PANK1: variants seen among roughly 807,000 people sequenced by gnomAD.
PANK1 encodes pantothenate kinase 1, also known as pantothenic acid kinase 1.
Under a neutral mutation model 40.1 loss-of-function variants are expected in PANK1, and 18 were observed. The observed-to-expected ratio is 0.45, with a 90% CI of 0.31 to 0.67. The LOEUF is 0.67. PANK1 is among the 30% of genes least tolerant of loss of function. The probability of loss-of-function intolerance (pLI) is 0.06; values close to 1 mark genes in which losing one functional copy is unlikely to be tolerated. For missense variants in PANK1, 457 were observed against 599.6 expected (o/e 0.76, Z 2.48); for synonymous variants, 242 against 237.7 (o/e 1.02, Z -0.17).
Position 89,599,336 on chromosome 10 carries a change from G to C in PANK1, c.815C>G (p.Pro272Arg). Residue 272 changes from proline to arginine, a missense_variant, in exon 3 of 7, where the codon CCT (proline) becomes CGT (arginine). Transcript: ENST00000307534. ...TGAGCCCATGTTAACCAGCAACATA[G>C]GGTATGGGTTATCAAGGCAGTACGG... is the stretch of plus-strand genomic sequence containing the variant. ...KKPYCLDNPY[P>R]MLLVNMGSGV... 6.2e-7 allele frequency: 1 copy of C among 1,613,168 alleles called. No individual in the cohort carries two copies. Among genetic ancestry groups the C allele is most frequent in the Non-Finnish European group, 8.5e-7 (1 of 1,179,092 alleles).
intron 1 of PANK1, among the ~76,000 whole-genome samples, chr10:89,629,315 G>C (rs951266588): frequency 7.9e-5 from 12 of 152,132 alleles, no homozygotes; most frequent in Admixed American, 2.6e-4. Flanking sequence ...GAAGTGACAG[G>C]CATTGTAGTT....
At chr10:89,608,835 C>T (rs569483482) in intron 2 of PANK1, among the ~76,000 whole-genome samples, 28 of 152,294 alleles carry the variant, frequency 1.8e-4, no homozygotes, top group African/African-American at 3.4e-4. Flanking sequence ...TTAGCATCTT[C>T]GATTTTCTAT....
intron 2 of PANK1, 55 bp from the exon 3 acceptor site, chr10:89,599,560 G>C: frequency 6.5e-7 from 1 of 1,548,784 alleles, no homozygotes; most frequent in South Asian, 1.2e-5. Flanking sequence ...ACCATCTAAG[G>C]GGAAGCCCCA....
chr10:89,582,659 C>A (rs1818475829), downstream of PANK1: 1 of 152,094 alleles, frequency 6.6e-6, no homozygotes, highest in South Asian at 2.1e-4. Context: ...CTTTAGCTGT[C>A]TGAATTTTTT....
intron 6 of PANK1, among the ~76,000 whole-genome samples, chr10:89,585,368 C>A (rs184484257): frequency 6.6e-6 from 1 of 152,296 alleles, no homozygotes; most frequent in African/African-American, 2.4e-5. Flanking sequence ...GGTCACGGCA[C>A]AAATAATCAG....
At chr10:89,580,368 T>G (rs1424121955), downstream of PANK1, 1 of 152,224 alleles carries the variant, frequency 6.6e-6, no homozygotes, top group East Asian at 1.9e-4. Context: ...TGAAACTCTT[T>G]GATGGCTCCA....
chr10:89,609,477 C>T (rs528530777), intron 2 of PANK1, among the ~76,000 whole-genome samples: 5 of 152,208 alleles, frequency 3.3e-5, no homozygotes, highest in Non-Finnish European at 7.3e-5. Flanking sequence ...CTGAAAGTGC[C>T]TGAGTGAGTG....
intron 1 of PANK1, among the ~76,000 whole-genome samples, chr10:89,642,771 A>C (rs1272872467): frequency 6.6e-6 from 1 of 152,238 alleles, no homozygotes; most frequent in Non-Finnish European, 1.5e-5. Context: ...GGAACATGTA[A>C]AATTTATTTC....
At chr10:89,590,086 G>T (rs1460473806) in intron 5 of PANK1, among the ~76,000 whole-genome samples, 1 of 150,116 alleles carries the variant, frequency 6.7e-6, no homozygotes, top group African/African-American at 2.4e-5. Flanking sequence ...GAAAAATATG[G>T]AAGAATTGGA....
intron 2 of PANK1, among the ~76,000 whole-genome samples, chr10:89,600,697 G>A (rs1033364015): frequency 1.3e-5 from 2 of 152,088 alleles, no homozygotes; most frequent in African/African-American, 4.8e-5. Context: ...TTAGGGTCTG[G>A]TAGCCATTTT....
chr10:89,627,081 A>G (rs1845679842), intron 1 of PANK1, among the ~76,000 whole-genome samples: 1 of 152,236 alleles, frequency 6.6e-6, no homozygotes. Context: ...GCTGGGGGGC[A>G]GAGGACTGAG....
At chr10:89,635,129 T>C (rs1219502159) in intron 1 of PANK1, among the ~76,000 whole-genome samples, 3 of 145,318 alleles carry the variant, frequency 2.1e-5, no homozygotes, top group African/African-American at 5.1e-5. Flanking sequence ...ATTTAGCAAA[T>C]ATATATATAT....
intron 2 of PANK1, among the ~76,000 whole-genome samples, chr10:89,601,940 C>T (rs1268810801): frequency 6.6e-6 from 1 of 152,214 alleles, no homozygotes; most frequent in Non-Finnish European, 1.5e-5. Context: ...CACATTCTGG[C>T]TTGTTTTCTA....
chr10:89,606,914 C>T (rs1041219091), intron 2 of PANK1, among the ~76,000 whole-genome samples: 3 of 152,190 alleles, frequency 2.0e-5, no homozygotes, highest in African/African-American at 7.2e-5. Flanking sequence ...TAGACTTTGG[C>T]TTAAGGGAAT....
chr10:89,597,609 G>A (rs1018788184), intron 3 of PANK1, among the ~76,000 whole-genome samples: 11 of 152,226 alleles, frequency 7.2e-5, no homozygotes, highest in Admixed American at 7.2e-4. Context: ...CCAGATCTGC[G>A]GAGCCTCCAA....
downstream of PANK1, chr10:89,581,743 CT>C (rs1844055182): frequency 6.6e-6 from 1 of 152,034 alleles, no homozygotes; most frequent in African/African-American, 2.4e-5. Flanking sequence ...CTTAACACCC[CT>C]GTCAGAGTCA....
At chr10:89,620,246 G>C (rs191629362) in intron 1 of PANK1, among the ~76,000 whole-genome samples, 1 of 152,318 alleles carries the variant, frequency 6.6e-6, no homozygotes, top group African/African-American at 2.4e-5. Context: ...GGGAACAAGG[G>C]AGATAACCGT....
chr10:89,594,046 T>TC, intron 3 of PANK1, 57 bp from the exon 4 acceptor site: 1 of 1,250,986 alleles, frequency 8.0e-7, no homozygotes. Flanking sequence ...CCCATCCAAG[T>TC]CCCCAACTAC....
chr10:89,609,511 A>G (rs1215638717), intron 2 of PANK1, among the ~76,000 whole-genome samples: 1 of 152,246 alleles, frequency 6.6e-6, no homozygotes, highest in Non-Finnish European at 1.5e-5. Flanking sequence ...GAAGGAGGAT[A>G]ACACCTATTC....
Sources: gnomAD v4.1 joint callset for allele counts (sites outside exome capture counted in the v4.1 genomes callset) on GRCh38, gnomAD v4.1.1 for gene constraint, MANE v1.5 for transcripts, NCBI Gene and HGNC (gene_info 2026-07-23, HGNC 2026-07-21) for gene names.